Variants in CDON observed in about 807,000 individuals in gnomAD.
CDON encodes cell adhesion associated, oncogene regulated, also known as cell adhesion molecule-related/down-regulated by oncogenes.
CDON carries 73 observed loss-of-function variants against 120.9 expected under a neutral mutation model. That is an observed-to-expected ratio of 0.60 (90% CI 0.50 to 0.73). The LOEUF is 0.73. Among genes scored for constraint, CDON ranks in the 30% least tolerant of loss-of-function variants. The pLI, the probability that CDON is intolerant of heterozygous loss-of-function variation, is 0.00. For synonymous variants in CDON, 566 were observed against 573.5 expected (o/e 0.99, Z 0.19); for missense variants, 1,470 against 1,587.3 (o/e 0.93, Z 1.26).
At chr11:126,021,976 C>A (rs948462034) in intron 2 of CDON, among the ~76,000 whole-genome samples, 1 of 151,794 alleles carries the variant, frequency 6.6e-6, no homozygotes, top group Non-Finnish European at 1.5e-5. Flanking sequence ...GTGGTGTACA[C>A]CTGTAGTTCT....
At chr11:125,984,189 C>T (rs1049116376) in intron 15 of CDON, 96 bp from the exon 16 acceptor site, 8 of 848,914 alleles carry the variant, frequency 9.4e-6, no homozygotes, top group Middle Eastern at 3.0e-4. Flanking sequence ...GAATGCAAGC[C>T]AGTCTGTTTA....
At chr11:125,972,210 G>A (rs1020450547) in intron 18 of CDON, among the ~76,000 whole-genome samples, 3 of 152,042 alleles carry the variant, frequency 2.0e-5, no homozygotes, top group African/African-American at 7.2e-5. Context: ...CAGATCACAT[G>A]AGGCCAGGAG....
chr11:126,012,273 GAATAC>G (rs1307404826), intron 7 of CDON, among the ~76,000 whole-genome samples: 1 of 152,098 alleles, frequency 6.6e-6, no homozygotes, highest in African/African-American at 2.4e-5. Context: ...ATATAATACT[GAATAC>G]AATATATAAT....
At chr11:125,981,965 A>ATTTTTTTTTTTTT (rs1591562448) in intron 16 of CDON, among the ~76,000 whole-genome samples, 1 of 34,428 alleles carries the variant, frequency 2.9e-5, no homozygotes, top group African/African-American at 8.2e-5. Context: ...AAGTGATTCT[A>ATTTTTTTTTTTTT]TTTTCTTTTT....
intron 1 of CDON, among the ~76,000 whole-genome samples, chr11:126,051,143 G>A (rs930546103): frequency 6.6e-6 from 1 of 152,048 alleles, no homozygotes; most frequent in African/African-American, 2.4e-5. Context: ...TTTGAGATGT[G>A]GTGGCTGCTG....
At chr11:126,014,611 G>A (rs1434089985) in intron 7 of CDON, among the ~76,000 whole-genome samples, 2 of 152,024 alleles carry the variant, frequency 1.3e-5, no homozygotes, top group Non-Finnish European at 2.9e-5. Context: ...CTTTGTAGAA[G>A]GGCATTCATT....
At chr11:125,967,912 G>A (rs1220301707) in intron 18 of CDON, among the ~76,000 whole-genome samples, 1 of 152,074 alleles carries the variant, frequency 6.6e-6, no homozygotes, top group Non-Finnish European at 1.5e-5. Context: ...GTAGAGAAGG[G>A]GGTCTCATTA....
intron 1 of CDON, among the ~76,000 whole-genome samples, chr11:126,061,023 T>TA (rs2134981418): frequency 6.6e-6 from 1 of 152,170 alleles, no homozygotes; most frequent in East Asian, 1.9e-4. Flanking sequence ...CCAAGTGAGT[T>TA]ATTACACAAA....
intron 15 of CDON, among the ~76,000 whole-genome samples, chr11:125,984,696 CAA>C (rs11306066): frequency 0.012 from 1,349 of 115,374 alleles, 12 homozygotes; most frequent in East Asian, 0.03. Flanking sequence ...GATTCTGTCT[CAA>C]AAAAAAAAAA....
chr11:125,982,646 A>C (rs564410392), intron 16 of CDON, among the ~76,000 whole-genome samples: 3 of 152,218 alleles, frequency 2.0e-5, no homozygotes, highest in Non-Finnish European at 2.9e-5. Flanking sequence ...GACGATGATT[A>C]TCTTTTGAAT....
chr11:126,039,505 T>C (rs1948195517), intron 1 of CDON, among the ~76,000 whole-genome samples: 1 of 152,226 alleles, frequency 6.6e-6, no homozygotes, highest in South Asian at 2.1e-4. Context: ...CAGACGAATA[T>C]AAAACCTTCA....
In CDON at chr11:126,010,416, C is replaced by T; in HGVS notation, c.1477G>A (p.Glu493Lys). ...SSLHIQAVTQ[E>K]HAGKYICEAA... ...TCGCAGATGTATTTCCCCGCATGTT[C>T]CTGAGTCACAGCCTGAATATGGAGA... The change falls in exon 8 of 20, where the codon GAA becomes AAA. Residue 493 changes from glutamate to lysine, a missense_variant. Transcript: ENST00000531738. 6.2e-7 allele frequency: 1 copy of T among 1,614,088 alleles called. No homozygotes were observed. The highest frequency in any genetic ancestry group is 8.5e-7 in the Non-Finnish European group (1 of 1,180,002).
At chr11:125,976,482 A>G (rs1206754151) in intron 18 of CDON, among the ~76,000 whole-genome samples, 1 of 152,212 alleles carries the variant, frequency 6.6e-6, no homozygotes, top group Non-Finnish European at 1.5e-5. Context: ...ACCCACACAC[A>G]TGAAATGTAG....
chr11:125,993,828 A>T (rs1317815027), intron 14 of CDON, among the ~76,000 whole-genome samples: 1 of 152,226 alleles, frequency 6.6e-6, no homozygotes, highest in East Asian at 1.9e-4. Context: ...AACACTCTTC[A>T]CCATTTTAGC....
Position 126,023,388 on chromosome 11 carries a change from A to G in CDON, c.76+13T>C. The G allele has an allele frequency of 1.3e-6, 2 of 1,577,660 alleles. No individual in the cohort carries two copies. Among genetic ancestry groups the G allele is most frequent in the Non-Finnish European group, 1.7e-6 (2 of 1,146,760 alleles). ...TAAAGGCCAAACCACCCCCTCCCCA[A>G]TTCTACTCTTACCTGAACTCACAGA... On this transcript the variant is annotated intron_variant, in intron 2 of 19. Coordinates refer to ENST00000531738, the MANE Select transcript of CDON (RefSeq NM_001378964.1).
In CDON at chr11:125,998,122, G is replaced by A. The variant is rs116768315; in HGVS notation, c.2159-712C>T. ...TTTTCACTTAGCACTGCCAAGGAAA[G>A]GGAATGCCCTAACACACCAGGTAGA... On this transcript the variant is annotated intron_variant, in intron 11 of 19. Coordinates refer to ENST00000531738, the MANE Select transcript of CDON (RefSeq NM_001378964.1). Among the ~76,000 whole-genome samples the A allele has an allele frequency of 6.6e-3, 1,001 of 152,276 alleles. 5 individuals are homozygous for A. The highest frequency in any genetic ancestry group is 0.023 in the African/African-American group (965 of 41,532).
At chr11:126,051,475 C>A (rs1948556007) in intron 1 of CDON, among the ~76,000 whole-genome samples, 1 of 152,114 alleles carries the variant, frequency 6.6e-6, no homozygotes, top group African/African-American at 2.4e-5. Flanking sequence ...ATTAACACTA[C>A]TAAGATACAT....
At chr11:126,036,529 T>C (rs539070986) in intron 1 of CDON, among the ~76,000 whole-genome samples, 4 of 144,782 alleles carry the variant, frequency 2.8e-5, no homozygotes, top group East Asian at 2.0e-4. Flanking sequence ...TCATATTTCA[T>C]AGTCAAACAA....
chr11:125,996,034 C>T (rs974451230), intron 12 of CDON, among the ~76,000 whole-genome samples: 5 of 152,148 alleles, frequency 3.3e-5, no homozygotes, highest in African/African-American at 7.2e-5. Flanking sequence ...AGAACAAACG[C>T]GTGTTCATCA....
Sources: allele counts gnomAD v4.1 joint callset (sites outside exome capture counted in the v4.1 genomes callset), GRCh38; gene constraint gnomAD v4.1.1; transcripts MANE v1.5; gene names NCBI Gene and HGNC (gene_info 2026-07-23, HGNC 2026-07-21).